The following FTO variants were observed in gnomAD, a reference collection of about 807,000 sequenced individuals.
FTO encodes the protein alpha-ketoglutarate-dependent dioxygenase FTO.
Under a neutral mutation model 63.9 loss-of-function variants are expected in FTO, and 47 were observed. That is an observed-to-expected ratio of 0.74 (90% CI 0.58 to 0.94). The LOEUF (loss-of-function observed/expected upper bound fraction) is 0.94, where lower values mean the gene tolerates loss of function less well. FTO is among the 40% of genes least tolerant of loss of function. The pLI is 0.00. For missense variants in FTO, 562 were observed against 618.1 expected (o/e 0.91, Z 0.96); for synonymous variants, 207 against 224.4 (o/e 0.92, Z 0.69).
intron 4 of FTO, among the ~76,000 whole-genome samples, chr16:53,866,691 A>C (rs551515797): frequency 1.1e-4 from 16 of 152,196 alleles, no homozygotes; most frequent in African/African-American, 3.6e-4. Context: ...TATCCTTTTA[A>C]TGTCCATGGG....
chr16:53,753,007 T>C (rs116623646), intron 1 of FTO, among the ~76,000 whole-genome samples: 1,583 of 151,724 alleles, frequency 0.01, 33 homozygotes, highest in African/African-American at 0.036. Flanking sequence ...ATGCCTGTAG[T>C]TCCAGCACTT....
intron 8 of FTO, among the ~76,000 whole-genome samples, chr16:53,970,603 A>AAAAAG (rs1221392510): frequency 1.3e-5 from 2 of 151,688 alleles, no homozygotes; most frequent in African/African-American, 4.8e-5. Context: ...AAAAAAAAAA[A>AAAAAG]AAAAGAAAAG....
chr16:53,985,392 A>G (rs1283577415), intron 8 of FTO, among the ~76,000 whole-genome samples: 2 of 152,206 alleles, frequency 1.3e-5, no homozygotes, highest in Non-Finnish European at 2.9e-5. Flanking sequence ...TTATTATCGC[A>G]GATCCAGAGG....
intron 1 of FTO, among the ~76,000 whole-genome samples, chr16:53,784,522 G>T (rs2151667167): frequency 6.6e-6 from 1 of 152,298 alleles, no homozygotes; most frequent in East Asian, 1.9e-4. Flanking sequence ...TAGCTCAGCA[G>T]ACCTGAAAAT....
At chr16:54,043,537 G>GAT in intron 8 of FTO, among the ~76,000 whole-genome samples, 1 of 16,856 alleles carries the variant, frequency 5.9e-5, no homozygotes, top group Non-Finnish European at 7.7e-5. Flanking sequence ...CACTCTGCAG[G>GAT]ATATTATCCA....
Position 53,844,178 on chromosome 16 carries a change from G to T in FTO, c.775G>T (p.Asp259Tyr). ...CEGPEEESED[D>Y]SHLEGRDPDI... ...AGGCCCTGAAGAGGAAAGTGAGGATGACTCTCATCTCGAAGGCAGGGATCC... is the reference window on the plus strand; with the variant it reads ...AGGCCCTGAAGAGGAAAGTGAGGATTACTCTCATCTCGAAGGCAGGGATCC... The change falls in exon 4 of 9, where the codon GAC becomes TAC. Residue 259 changes from aspartate to tyrosine, a missense_variant. Asp to Tyr is a radical substitution (Grantham distance 160). Transcript: ENST00000471389. 3 of 1,613,818 alleles carry T rather than the reference G, an allele frequency of 1.9e-6. No homozygotes were observed.
chr16:53,762,363 C>A (rs1310631010), intron 1 of FTO, among the ~76,000 whole-genome samples: 1 of 152,116 alleles, frequency 6.6e-6, no homozygotes, highest in East Asian at 1.9e-4. Flanking sequence ...TTATGCATTT[C>A]TGTGAGTGCT....
chr16:53,810,260 T>A, intron 2 of FTO, 43 bp downstream of exon 2: 1 of 1,355,388 alleles, frequency 7.4e-7, no homozygotes, highest in Non-Finnish European at 1.1e-6. Flanking sequence ...TGATGTGTTC[T>A]GATCAACCTT....
intron 8 of FTO, among the ~76,000 whole-genome samples, chr16:54,107,261 T>C (rs1340421894): frequency 3.3e-5 from 5 of 152,104 alleles, no homozygotes; most frequent in African/African-American, 1.2e-4. Context: ...AAATGGGATT[T>C]TTCCTTAGGA....
intron 2 of FTO, among the ~76,000 whole-genome samples, chr16:53,820,791 A>C (rs61669671): frequency 2.0e-3 from 308 of 152,212 alleles, no homozygotes; most frequent in African/African-American, 7.3e-3. Context: ...ATCCATGTCC[A>C]GGAAAGGTTT....
At chr16:53,811,901 C>A (rs961246621) in intron 2 of FTO, among the ~76,000 whole-genome samples, 15 of 152,144 alleles carry the variant, frequency 9.9e-5, no homozygotes, top group Non-Finnish European at 7.3e-5. Flanking sequence ...CAACCTCTGC[C>A]CCCTGGGCCC....
At chr16:54,062,235 A>G (rs1173363766) in intron 8 of FTO, among the ~76,000 whole-genome samples, 1 of 152,222 alleles carries the variant, frequency 6.6e-6, no homozygotes, top group Non-Finnish European at 1.5e-5. Flanking sequence ...CTTATTTATT[A>G]TTAGTTCCGG....
At chr16:53,900,376 A>G (rs1368706568) in intron 7 of FTO, among the ~76,000 whole-genome samples, 3 of 152,112 alleles carry the variant, frequency 2.0e-5, no homozygotes, top group African/African-American at 7.2e-5. Context: ...GTTAAATAGA[A>G]TATTCTCAAA....
In FTO at chr16:54,113,811, C is replaced by CTTTTTT. The variant is rs532852190; in HGVS notation, c.*1906_*1911dup. On this transcript the variant is annotated 3_prime_UTR_variant, in exon 9 of 9. Coordinates refer to ENST00000471389, the MANE Select transcript of FTO (RefSeq NM_001080432.3). ...AGGTCTGCATTTTCTTTTTTCTTTT[C>CTTTTTT]TTTTTTTTTTTTTTTGAGACACAGT... 1 of 132,644 alleles carries CTTTTTT rather than the reference C, an allele frequency of 7.5e-6. No homozygotes were observed. Among genetic ancestry groups the CTTTTTT allele is most frequent in the African/African-American group, 2.7e-5 (1 of 36,784 alleles). 8.2% of individuals were successfully genotyped at this position (132,644 alleles called of 1,614,324 possible).
At chr16:53,909,846 G>C (rs900705358) in intron 7 of FTO, among the ~76,000 whole-genome samples, 1 of 152,000 alleles carries the variant, frequency 6.6e-6, no homozygotes, top group Non-Finnish European at 1.5e-5. Context: ...TTACAGGTGT[G>C]AGCCACCACG....
chr16:54,010,363 G>A (rs1359729076), intron 8 of FTO, among the ~76,000 whole-genome samples: 7 of 152,088 alleles, frequency 4.6e-5, no homozygotes, highest in Non-Finnish European at 7.4e-5. Context: ...CCAAGATTGC[G>A]CCACTACCCT....
intron 8 of FTO, among the ~76,000 whole-genome samples, chr16:54,066,212 G>A (rs189535146): frequency 1.3e-5 from 2 of 151,774 alleles, no homozygotes; most frequent in Admixed American, 1.3e-4. Context: ...TGTTTTCCTG[G>A]GTCCTTACGG....
chr16:53,737,311 C>T (rs922427029), intron 1 of FTO, among the ~76,000 whole-genome samples: 1 of 152,122 alleles, frequency 6.6e-6, no homozygotes, highest in African/African-American at 2.4e-5. Flanking sequence ...GACAAGGATA[C>T]ATTCTGAGAA....
intron 3 of FTO, among the ~76,000 whole-genome samples, chr16:53,841,531 G>A (rs2079476954): frequency 6.6e-6 from 1 of 152,144 alleles, no homozygotes; most frequent in Non-Finnish European, 1.5e-5. Context: ...TCACTTAGCA[G>A]CATTCCTTCC....
Sources: allele counts gnomAD v4.1 joint callset (sites outside exome capture counted in the v4.1 genomes callset), GRCh38; gene constraint gnomAD v4.1.1; transcripts MANE v1.5; gene names NCBI Gene and HGNC (gene_info 2026-07-23, HGNC 2026-07-21).